CDH18: variants seen among roughly 807,000 people sequenced by gnomAD.
CDH18 encodes the protein cadherin 18.
In CDH18, 31 loss-of-function variants were observed where a neutral mutation model predicts 67.9. That is an observed-to-expected ratio of 0.46 (90% CI 0.34 to 0.62). The LOEUF (loss-of-function observed/expected upper bound fraction) is 0.62, where lower values mean the gene tolerates loss of function less well. Among genes scored for constraint, CDH18 ranks in the 20% least tolerant of loss-of-function variants. The probability of loss-of-function intolerance (pLI) is 0.01; values close to 1 mark genes in which losing one functional copy is unlikely to be tolerated. For missense variants in CDH18, 890 were observed against 975.5 expected, an observed-to-expected ratio of 0.91 and a Z score of 1.17; for synonymous variants, 362 against 347.2, an observed-to-expected ratio of 1.04 and a Z score of -0.48.
At chr5:20,494,681 T>C (rs747722389) in intron 1 of CDH18, among the ~76,000 whole-genome samples, 2 of 152,170 alleles carry the variant, frequency 1.3e-5, no homozygotes, top group Non-Finnish European at 2.9e-5. Context: ...TCTAAGCTCC[T>C]AGTTCTGTCT....
intron 1 of CDH18, among the ~76,000 whole-genome samples, chr5:20,351,191 T>TGC (rs55754905): frequency 2.2e-4 from 33 of 148,766 alleles, no homozygotes; most frequent in African/African-American, 5.4e-4. Context: ...TGTGTGTGTG[T>TGC]GCGTGTGTGT....
At chr5:20,391,053 T>A (rs1744808055) in intron 1 of CDH18, among the ~76,000 whole-genome samples, 1 of 151,866 alleles carries the variant, frequency 6.6e-6, no homozygotes, top group Admixed American at 6.6e-5. Context: ...GTTACTGGGT[T>A]CAGCACACCA....
At chr5:19,994,360 G>A (rs1294608266) in intron 2 of CDH18, among the ~76,000 whole-genome samples, 2 of 146,278 alleles carry the variant, frequency 1.4e-5, no homozygotes, top group Admixed American at 1.4e-4. Context: ...CCCTTAGTTC[G>A]ATTTTTCTGG....
chr5:19,920,457 C>T (rs1396411528), intron 2 of CDH18, among the ~76,000 whole-genome samples: 1 of 151,486 alleles, frequency 6.6e-6, no homozygotes, highest in East Asian at 1.9e-4. Flanking sequence ...ATTTGCATTC[C>T]TACAAAAGGA....
intron 1 of CDH18, among the ~76,000 whole-genome samples, chr5:20,440,302 T>C (rs978892830): frequency 6.6e-6 from 1 of 151,832 alleles, no homozygotes; most frequent in Admixed American, 6.6e-5. Context: ...ATAAAGAGTC[T>C]ATTAGGAGCA....
At chr5:20,368,638 G>C (rs950950135) in intron 1 of CDH18, among the ~76,000 whole-genome samples, 2 of 152,152 alleles carry the variant, frequency 1.3e-5, no homozygotes, top group Admixed American at 1.3e-4. Flanking sequence ...TGGCTTTGGA[G>C]AGGCAGTGCT....
intron 9 of CDH18, among the ~76,000 whole-genome samples, chr5:19,527,668 G>GT (rs1747952605): frequency 6.6e-6 from 1 of 151,706 alleles, no homozygotes; most frequent in Non-Finnish European, 1.5e-5. Context: ...AGCATAACAC[G>GT]TGTAGAAATA....
chr5:19,560,432 T>C (rs927480193), intron 8 of CDH18, among the ~76,000 whole-genome samples: 4 of 151,976 alleles, frequency 2.6e-5, no homozygotes, highest in African/African-American at 9.7e-5. Context: ...GTTCAACAAA[T>C]TGTACTGGGA....
intron 1 of CDH18, among the ~76,000 whole-genome samples, chr5:20,375,139 AC>A (rs1270887902): frequency 6.6e-6 from 1 of 151,782 alleles, no homozygotes; most frequent in African/African-American, 2.4e-5. Flanking sequence ...TTATATCCTG[AC>A]CCCCTCTCTT....
intron 3 of CDH18, among the ~76,000 whole-genome samples, chr5:19,779,505 T>C (rs1774838905): frequency 6.6e-6 from 1 of 152,198 alleles, no homozygotes. Context: ...GCAGATCTGC[T>C]ATCCTCAATT....
intron 2 of CDH18, among the ~76,000 whole-genome samples, chr5:20,233,264 T>C (rs971716144): frequency 6.6e-6 from 1 of 151,472 alleles, no homozygotes; most frequent in Non-Finnish European, 1.5e-5. Context: ...TATTTAAATG[T>C]ACAAACATTT....
chr5:20,261,467 G>A (rs563815544), intron 1 of CDH18, among the ~76,000 whole-genome samples: 35 of 152,272 alleles, frequency 2.3e-4, no homozygotes, highest in Admixed American at 1.9e-3. Context: ...GAGGTCGGGC[G>A]TGGTGGCTCA....
chr5:19,925,848 A>C (rs548372824), intron 2 of CDH18, among the ~76,000 whole-genome samples: 1 of 152,018 alleles, frequency 6.6e-6, no homozygotes, highest in South Asian at 2.1e-4. Context: ...ATGTACTATC[A>C]TTTCTTTTAT....
At chr5:20,305,164 G>A in intron 1 of CDH18, 2 of 1,442,198 alleles carry the variant, frequency 1.4e-6, no homozygotes, top group African/African-American at 1.4e-5. Context: ...GAAGGGAGGG[G>A]CGCTGGTTAT....
intron 2 of CDH18, among the ~76,000 whole-genome samples, chr5:20,228,974 A>G (rs573354940): frequency 2.0e-5 from 3 of 152,192 alleles, no homozygotes; most frequent in African/African-American, 7.2e-5. Flanking sequence ...GGTTATGTTA[A>G]GTCATTTCAT....
At chr5:20,264,903 T>C (rs1278595144) in intron 1 of CDH18, among the ~76,000 whole-genome samples, 1 of 152,050 alleles carries the variant, frequency 6.6e-6, no homozygotes, top group East Asian at 1.9e-4. Flanking sequence ...GGTTGACAAA[T>C]CTATTGTGGT....
chr5:19,732,507 A>AAAAT (rs760055125), intron 4 of CDH18, among the ~76,000 whole-genome samples: 3 of 152,160 alleles, frequency 2.0e-5, no homozygotes, highest in Non-Finnish European at 2.9e-5. Context: ...TTGTCTCAAA[A>AAAAT]AAATAAATAA....
At chr5:19,664,787 G>T (rs1254114364) in intron 5 of CDH18, among the ~76,000 whole-genome samples, 8 of 151,834 alleles carry the variant, frequency 5.3e-5, no homozygotes, top group African/African-American at 1.7e-4. Context: ...CACTTACGGG[G>T]TTGGTATCAT....
At chr5:19,704,244 C>A (rs1282006078) in intron 5 of CDH18, among the ~76,000 whole-genome samples, 1 of 152,144 alleles carries the variant, frequency 6.6e-6, no homozygotes, top group Non-Finnish European at 1.5e-5. Context: ...TCAATCATTT[C>A]TCTTTAGCAC....
Sources: allele counts gnomAD v4.1 joint callset (sites outside exome capture counted in the v4.1 genomes callset), GRCh38; gene constraint gnomAD v4.1.1; transcripts MANE v1.5; gene names NCBI Gene and HGNC (gene_info 2026-07-23, HGNC 2026-07-21).